Variants in COL6A1 observed in about 807,000 individuals in gnomAD.
COL6A1 encodes collagen type VI alpha 1 chain.
Under a neutral mutation model 145.6 loss-of-function variants are expected in COL6A1, and 80 were observed. That is an observed-to-expected ratio of 0.55 (90% CI 0.46 to 0.66). The LOEUF (loss-of-function observed/expected upper bound fraction) is 0.66. Ranked by LOEUF, COL6A1 falls within the 30% of genes least tolerant of loss-of-function variation. The probability of loss-of-function intolerance (pLI) is 0.00; values close to 1 mark genes in which losing one functional copy is unlikely to be tolerated. For synonymous variants in COL6A1, 638 were observed against 622.8 expected (o/e 1.02, Z -0.36); for missense variants, 1,364 against 1,473.8 (o/e 0.93, Z 1.22).
chr21:45,992,901 T>C (rs1055638617), intron 19 of COL6A1, 91 bp downstream of exon 19: 1 of 1,190,136 alleles, frequency 8.4e-7, no homozygotes. Context: ...ACAGGACACA[T>C]CATGAAGCCC....
chr21:45,989,665 C>G lies in COL6A1; in HGVS notation c.903+13C>G, dbSNP rs199632006. ...CCAGGGAATGAAGGTACGTGCCCCC[C>G]CTTTCCTGGCCCGAGCCCGGTGGTG... On this transcript the variant is annotated intron_variant, in intron 10 of 34. Coordinates refer to ENST00000361866, the MANE Select transcript of COL6A1 (RefSeq NM_001848.3). The G allele has an allele frequency of 4.4e-5, 71 of 1,613,194 alleles. No homozygotes were observed. In the East Asian group the frequency reaches 8.7e-4, roughly 20 times the overall value.
chr21:46,000,399 G>A (rs2077836752), intron 28 of COL6A1, 32 bp downstream of exon 28: 1 of 1,613,050 alleles, frequency 6.2e-7, no homozygotes. Context: ...TCCTCGTTAG[G>A]GAGAGCAGGG....
intron 2 of COL6A1, 73 bp from the exon 3 acceptor site, chr21:45,984,196 G>A (rs563742864): frequency 1.0e-4 from 148 of 1,436,090 alleles, no homozygotes; most frequent in Non-Finnish European, 1.2e-4. Flanking sequence ...TCTGGGTGAC[G>A]TCGCGCCCTG....
chr21:45,987,594 C>A lies in COL6A1; in HGVS notation c.760-16C>A. ...TGAGTCTGGGGTCCTGGCTGACCGTCCCCTCTGCCTTGCAGCCTGCAAGAG... is the reference window on the plus strand; with the variant it reads ...TGAGTCTGGGGTCCTGGCTGACCGTACCCTCTGCCTTGCAGCCTGCAAGAG... On this transcript the variant is annotated splice_polypyrimidine_tract_variant and intron_variant, in intron 7 of 34. Coordinates refer to ENST00000361866, the MANE Select transcript of COL6A1 (RefSeq NM_001848.3). 1 of 1,612,532 alleles carries A rather than the reference C, an allele frequency of 6.2e-7. No individual in the cohort carries two copies. Among genetic ancestry groups the A allele is most frequent in the Non-Finnish European group, 8.5e-7 (1 of 1,179,938 alleles).
At chr21:45,984,915 CAG>C (rs2077729669) in intron 3 of COL6A1, among the ~76,000 whole-genome samples, 1 of 144,872 alleles carries the variant, frequency 6.9e-6, no homozygotes, top group Admixed American at 6.8e-5. Context: ...GAGACAGAGA[CAG>C]AGACAGACAA....
Position 46,003,932 on chromosome 21 carries a change from C to T in COL6A1, c.3006C>T (p.His1002=). Residue 1002 remains histidine, a synonymous_variant, in exon 35 of 35, where the codon CAC becomes CAT. Transcript: ENST00000361866. The part of the protein sequence containing the change: ...AEYDVAYGES[H]LFRVPSYQAL... ...ACGACGTGGCCTACGGCGAGAGCCA[C>T]CTGTTCCGTGTCCCCAGCTACCAGG... 1 of 1,611,328 alleles carries T rather than the reference C, an allele frequency of 6.2e-7. No homozygotes were observed. Among genetic ancestry groups the T allele is most frequent in the Non-Finnish European group, 8.5e-7 (1 of 1,178,850 alleles).
intron 2 of COL6A1, among the ~76,000 whole-genome samples, chr21:45,983,824 G>A (rs999802559): frequency 1.4e-5 from 2 of 147,798 alleles, no homozygotes; most frequent in African/African-American, 2.5e-5. Flanking sequence ...TCCTGCAGGC[G>A]CCGTGGTCAC....
chr21:45,992,666 C>A, intron 18 of COL6A1, 82 bp from the exon 19 acceptor site: 1 of 1,399,962 alleles, frequency 7.1e-7, no homozygotes, highest in Non-Finnish European at 9.9e-7. Flanking sequence ...GGGAGTCAGT[C>A]CAGGCCAGGC....
chr21:45,992,386 C>T lies in COL6A1; in HGVS notation c.1260C>T (p.Ala420=). ...GDEGNPGPDG[A]PGERGGPGER... is the part of the protein sequence containing the mutation. ...AGGGGAACCCAGGACCTGACGGTGC[C>T]CCCGGGGAGCGGGTGAGTGGGGCAG... Residue 420 remains alanine (A), a synonymous_variant, in exon 18 of 35, where the codon GCC becomes GCT. Transcript: ENST00000361866. The T allele has an allele frequency of 6.2e-7, 1 of 1,613,396 alleles. No individual in the cohort carries two copies. Among genetic ancestry groups the T allele is most frequent in the Non-Finnish European group, 8.5e-7 (1 of 1,179,962 alleles).
At chr21:45,991,545 C>T (rs571497184) in intron 15 of COL6A1, among the ~76,000 whole-genome samples, 4 of 152,270 alleles carry the variant, frequency 2.6e-5, no homozygotes, top group African/African-American at 4.8e-5. Context: ...CTGAGTCTGC[C>T]GTTGCTGGTG....
intron 3 of COL6A1, among the ~76,000 whole-genome samples, chr21:45,986,186 G>A (rs1481564416): frequency 6.6e-6 from 1 of 152,190 alleles, no homozygotes; most frequent in Admixed American, 6.5e-5. Context: ...TAGACGCGGC[G>A]GGCATCTCGG....
intron 20 of COL6A1, among the ~76,000 whole-genome samples, chr21:45,995,252 C>T (rs539280927): frequency 2.0e-5 from 3 of 152,246 alleles, no homozygotes; most frequent in Non-Finnish European, 4.4e-5. Flanking sequence ...AAAGGGCTCC[C>T]GACACCTTCC....
rs7671 is a variant in COL6A1, at chr21:45,981,846, C to A, written c.-5C>A. On this transcript the variant is annotated 5_prime_UTR_variant, in exon 1 of 35. Coordinates refer to ENST00000361866, the MANE Select transcript of COL6A1 (RefSeq NM_001848.3). Reference sequence around the variant, plus strand: ...CGCGCTGTGTGGTGACCGCAGGCCCCAGACATGAGGGCGGCCCGTGCTCTG... The same window carrying A: ...CGCGCTGTGTGGTGACCGCAGGCCCAAGACATGAGGGCGGCCCGTGCTCTG... The A allele has an allele frequency of 6.3e-7, 1 of 1,576,380 alleles. No homozygotes were observed. Among genetic ancestry groups the A allele is most frequent in the Admixed American group, 1.8e-5 (1 of 55,602 alleles).
chr21:45,993,209 A>AC (rs776209569), intron 19 of COL6A1, among the ~76,000 whole-genome samples: 2 of 152,128 alleles, frequency 1.3e-5, no homozygotes, highest in Non-Finnish European at 2.9e-5. Context: ...TGGAAAACTC[A>AC]CCCCAGAGCC....
At chr21:45,996,886 G>A (rs1180470582) in intron 20 of COL6A1, among the ~76,000 whole-genome samples, 1 of 152,202 alleles carries the variant, frequency 6.6e-6, no homozygotes, top group Admixed American at 6.5e-5. Context: ...GCAGGTGGGG[G>A]CAGGGTGGTG....
At chr21:45,999,344 C>T in intron 26 of COL6A1, 126 bp downstream of exon 26, 1 of 992,490 alleles carries the variant, frequency 1.0e-6, no homozygotes. Context: ...GGGAGCACGT[C>T]ATCTGGGAGG....
chr21:45,992,650 T>C, intron 18 of COL6A1, 98 bp from the exon 19 acceptor site: 1 of 1,291,854 alleles, frequency 7.7e-7, no homozygotes, highest in Non-Finnish European at 1.1e-6. Context: ...CCAGGGGTCC[T>C]GCTGGGGGAG....
At chr21:45,982,580 G>C in intron 1 of COL6A1, 54 bp from the exon 2 acceptor site, 1 of 1,610,910 alleles carries the variant, frequency 6.2e-7, no homozygotes, top group East Asian at 2.2e-5. Context: ...GCCCAGCAGA[G>C]ACTCGGGGAA....
intron 28 of COL6A1, 129 bp from the exon 29 acceptor site, chr21:46,000,630 G>C: frequency 1.4e-6 from 2 of 1,398,964 alleles, no homozygotes; most frequent in Admixed American, 1.7e-5. Context: ...CAGGAGGCCG[G>C]GGAAGGGGGG....
Sources: gnomAD v4.1 joint callset for allele counts (sites outside exome capture counted in the v4.1 genomes callset) on GRCh38, gnomAD v4.1.1 for gene constraint, MANE v1.5 for transcripts, NCBI Gene and HGNC (gene_info 2026-07-23, HGNC 2026-07-21) for gene names.